RPL13: variants seen among roughly 807,000 people sequenced by gnomAD.
RPL13 encodes the protein large ribosomal subunit protein eL13.
A neutral mutation model predicts 21.4 loss-of-function variants in RPL13; 1 was observed. The observed-to-expected ratio is 0.05, with a 90% confidence interval of 0.02 to 0.22. The LOEUF (loss-of-function observed/expected upper bound fraction) is 0.22. Ranked by LOEUF, RPL13 falls within the 10% of genes least tolerant of loss-of-function variation. The pLI is 1.00. For missense variants in RPL13, 289 were observed against 303.0 expected (o/e 0.95, Z 0.34); for synonymous variants, 143 against 120.5 (o/e 1.19, Z -1.23).
rs185077096 is a variant in RPL13 at position 89,562,371 on chromosome 16, C to A, written c.457C>A (p.Pro153Thr). The A allele has an allele frequency of 4.3e-6, 7 of 1,612,470 alleles. No individual in the cohort carries two copies. Among genetic ancestry groups the A allele is most frequent in the Admixed American group, 3.4e-5 (2 of 59,562 alleles). ...ELKLATQLTG[P>T]VMPVRNVYKK... is the part of the protein sequence containing the mutation. ...GAAACTGGCCACCCAGCTGACCGGA[C>A]CGGTCATGCCCGTCCGGAACGTAAG... The change falls in exon 5 of 6, where the codon CCG (proline) becomes ACG (threonine). Residue 153 changes from proline to threonine, a missense_variant. Coordinates refer to ENST00000311528, the MANE Select transcript of RPL13 (RefSeq NM_000977.4).
intron 2 of RPL13, 61 bp downstream of exon 2, chr16:89,561,124 G>A: frequency 1.3e-6 from 2 of 1,543,344 alleles, no homozygotes; most frequent in Non-Finnish European, 1.7e-6. Context: ...CTTGGCTTGC[G>A]GGTGGCCGAT....
At position 89,560,905 on chromosome 16, in the gene RPL13, G is replaced by T. The variant is rs1360422534; in HGVS notation, c.-20-35G>T. 2.7e-6 allele frequency: 4 copies of T among 1,505,098 alleles called. No homozygotes were observed. The East Asian group carries it at 7.6e-5, about 29-fold the overall frequency. The allele number at this position is 1,505,098 out of a possible 1,614,324, so 93.2% of individuals were successfully genotyped here. A position where few individuals can be genotyped will look rare whatever the true frequency, so the allele number is the denominator to read the frequency against. On this transcript the variant is annotated intron_variant, in intron 1 of 5. Transcript: ENST00000311528. ...GCCCGGGGGGGTGCGCGCGCCCGGG[G>T]TCCGGCCTCTCACTCGCTCCCCTCT...
At chr16:89,565,153 T>G (rs1478706613), downstream of RPL13, 1 of 152,358 alleles carries the variant, frequency 6.6e-6, no homozygotes, top group Non-Finnish European at 1.5e-5. Flanking sequence ...GCTTAATCTA[T>G]TAAGAGCCCT....
chr16:89,561,507 G>A (rs2058744312), intron 3 of RPL13, 71 bp from the exon 4 acceptor site: 1 of 1,612,642 alleles, frequency 6.2e-7, no homozygotes, highest in Admixed American at 1.7e-5. Context: ...TGATTGCTGA[G>A]GCTTTTCATC....
At chr16:89,564,947 T>C (rs952020858), downstream of RPL13, 2 of 152,260 alleles carry the variant, frequency 1.3e-5, no homozygotes, top group Non-Finnish European at 2.9e-5. Flanking sequence ...CTGTTTTTAC[T>C]GTGGGACAAA....
intron 5 of RPL13, 63 bp downstream of exon 5, chr16:89,562,454 C>T: frequency 6.6e-7 from 1 of 1,517,052 alleles, no homozygotes; most frequent in Non-Finnish European, 9.0e-7. Context: ...ACGTGGGTAT[C>T]TGAGATGCGG....
intron 5 of RPL13, chr16:89,562,601 T>G (rs2031364483): frequency 1.7e-6 from 1 of 593,458 alleles, no homozygotes; most frequent in South Asian, 2.4e-5. Flanking sequence ...GTTTGTTTTG[T>G]GTTTTTTTGT....
At position 89,562,840 on chromosome 16, in the gene RPL13, C is replaced by T. The variant is rs541282705; in HGVS notation, c.478-44C>T. On this transcript the variant is annotated intron_variant, in intron 5 of 5. Transcript: ENST00000311528. ...CTCCTGACGCTTGGTTGTTCCCTTGCCCTTTGGTGCATGTGGGTTTAACAA... is the reference window on the plus strand; with the variant it reads ...CTCCTGACGCTTGGTTGTTCCCTTGTCCTTTGGTGCATGTGGGTTTAACAA... The T allele has an allele frequency of 3.4e-6, 5 of 1,482,106 alleles. No homozygotes were observed. The East Asian group carries it at 7.7e-5, about 23-fold the overall frequency. The allele number at this position is 1,482,106 out of a possible 1,614,324, so 91.8% of individuals were successfully genotyped here. A position where few individuals can be genotyped will look rare whatever the true frequency, so the allele number is the denominator to read the frequency against.
At chr16:89,561,410 T>C in intron 3 of RPL13, 42 bp downstream of exon 3, 2 of 1,612,428 alleles carry the variant, frequency 1.2e-6, no homozygotes, top group Non-Finnish European at 1.7e-6. Context: ...GGCCCCGAAG[T>C]CCCCTCTGTT....
rs2058759572 is a variant in RPL13 at position 89,563,259 on chromosome 16, C to T, written c.*217C>T. Reference sequence around the variant, plus strand: ...TGTTTGGTTAGTGACTGATGTAAAACGGTTTTCTTGTGGGGAGGTTACAGA... The same window carrying T: ...TGTTTGGTTAGTGACTGATGTAAAATGGTTTTCTTGTGGGGAGGTTACAGA... On this transcript the variant is annotated 3_prime_UTR_variant, in exon 6 of 6. Coordinates refer to ENST00000311528, the MANE Select transcript of RPL13 (RefSeq NM_000977.4). 10 of 401,906 alleles carry T rather than the reference C, an allele frequency of 2.5e-5. No homozygotes were observed. The highest frequency in any genetic ancestry group is 4.7e-5 in the Admixed American group (1 of 21,102). 24.9% of individuals were successfully genotyped at this position (401,906 alleles called of 1,614,324 possible). A position where few individuals can be genotyped will look rare whatever the true frequency, so the allele number is the denominator to read the frequency against.
In RPL13 at chr16:89,562,368, G is replaced by C. The variant is rs569629794; in HGVS notation, c.454G>C (p.Gly152Arg). 1 of 1,612,918 alleles carries C rather than the reference G, an allele frequency of 6.2e-7. No homozygotes were observed. Among genetic ancestry groups the C allele is most frequent in the Non-Finnish European group, 8.5e-7 (1 of 1,179,818 alleles). ...EELKLATQLT[G>R]PVMPVRNVYK... Reference sequence around the variant, plus strand: ...ACTGAAACTGGCCACCCAGCTGACCGGACCGGTCATGCCCGTCCGGAACGT... The same window carrying C: ...ACTGAAACTGGCCACCCAGCTGACCCGACCGGTCATGCCCGTCCGGAACGT... The change falls in exon 5 of 6, where the codon GGA becomes CGA. Residue 152 changes from glycine (G) to arginine (R), a missense_variant. Coordinates refer to ENST00000311528, the MANE Select transcript of RPL13 (RefSeq NM_000977.4).
chr16:89,562,755 T>C, intron 5 of RPL13, 129 bp from the exon 6 acceptor site: 2 of 948,772 alleles, frequency 2.1e-6, no homozygotes, highest in East Asian at 2.9e-5. Context: ...TCAGGGTTGC[T>C]TTTCAGCAGT....
chr16:89,561,213 C>T lies in RPL13; in HGVS notation c.105-14C>T, dbSNP rs1023051922. ...TTAGGCAAGGGTGACCGCCGCTGCG[C>T]TTCTCTCCACCAGACGTAAGGCCCG... On this transcript the variant is annotated splice_polypyrimidine_tract_variant and intron_variant, in intron 2 of 5. Coordinates refer to ENST00000311528, the MANE Select transcript of RPL13 (RefSeq NM_000977.4). 3 of 1,538,146 alleles carry T rather than the reference C, an allele frequency of 2.0e-6. No homozygotes were observed. The highest frequency in any genetic ancestry group is 2.6e-6 in the Non-Finnish European group (3 of 1,146,176).
In RPL13 at chr16:89,563,972, A is replaced by T. The variant is rs1444822249; in HGVS notation, c.*930A>T. The T allele has an allele frequency of 2.6e-5, 4 of 152,206 alleles. No individual in the cohort carries two copies. The highest frequency in any genetic ancestry group is 5.9e-5 in the Non-Finnish European group (4 of 68,042). The allele number at this position is 152,206 out of a possible 1,614,324, so 9.4% of individuals were successfully genotyped here. ...CTTCATGGACAAGAGGCAGCCAGAG[A>T]GAGTGCCAGGGTGCCCTGGTCTGAG... On this transcript the variant is annotated 3_prime_UTR_variant, in exon 6 of 6. Coordinates refer to ENST00000311528, the MANE Select transcript of RPL13 (RefSeq NM_000977.4).
In RPL13 at chr16:89,561,665, G is replaced by A. The variant is rs9930567; in HGVS notation, c.334G>A (p.Ala112Thr). The A allele has an allele frequency of 0.19, 307,064 of 1,613,752 alleles. 32,280 individuals are homozygous for A. Among genetic ancestry groups the A allele is most frequent in the Middle Eastern group, 0.31 (1,860 of 6,052 alleles). Reference protein sequence around the residue: ...RRNKSTESLQANVQRLKEYRS... With the variant: ...RRNKSTESLQTNVQRLKEYRS... ...GAACAAGTCCACGGAGTCCCTGCAG[G>A]CCAACGTGCAGCGGCTGAAGGAGTA... The change falls in exon 4 of 6, where the codon GCC becomes ACC. Residue 112 changes from alanine (A) to threonine (T), a missense_variant. Physicochemically the swap from Ala to Thr is moderately conservative, Grantham distance 58. Transcript: ENST00000311528.
At chr16:89,565,061 G>C (rs2058774408), downstream of RPL13, 1 of 152,008 alleles carries the variant, frequency 6.6e-6, no homozygotes, top group Non-Finnish European at 1.5e-5. Flanking sequence ...AGTCTGCACT[G>C]AACCTGCCAG....
rs771241892 is a variant in RPL13, at chr16:89,561,729, C to T, written c.398C>T (p.Ala133Val). 3.1e-6 allele frequency: 5 copies of T among 1,613,682 alleles called. No individual in the cohort carries two copies. The highest frequency in any genetic ancestry group is 1.1e-5 in the South Asian group (1 of 91,078). Reference sequence around the variant, plus strand: ...ATCCTCTTCCCCAGGAAGCCCTCGGCCCCCAAGAAGGGAGACAGTTCTGTG... The same window carrying T: ...ATCCTCTTCCCCAGGAAGCCCTCGGTCCCCAAGAAGGGAGACAGTTCTGTG... ...KLILFPRKPS[A>V]PKKGDSSAEE... Residue 133 changes from alanine (A) to valine (V), a missense_variant, in exon 4 of 6, where the codon GCC becomes GTC. By Grantham distance (64) the Ala-to-Val change is moderately conservative (BLOSUM62 0). Coordinates refer to ENST00000311528, the MANE Select transcript of RPL13 (RefSeq NM_000977.4).
chr16:89,563,104 G>T lies in RPL13; in HGVS notation c.*62G>T, dbSNP rs1016654618. Reference sequence around the variant, plus strand: ...GCTGGGTCTCCACGTGGTGTGTTTCGTGGGAACAACTGGGCCTGGGATGGG... The same window carrying T: ...GCTGGGTCTCCACGTGGTGTGTTTCTTGGGAACAACTGGGCCTGGGATGGG... On this transcript the variant is annotated 3_prime_UTR_variant, in exon 6 of 6. Transcript: ENST00000311528. 2.9e-6 allele frequency: 4 copies of T among 1,392,094 alleles called. No individual in the cohort carries two copies. Among genetic ancestry groups the T allele is most frequent in the South Asian group, 1.7e-5 (1 of 59,790 alleles). The allele number at this position is 1,392,094 out of a possible 1,614,324, so 86.2% of individuals were successfully genotyped here. A position where few individuals can be genotyped will look rare whatever the true frequency, so the allele number is the denominator to read the frequency against.
Position 89,560,759 on chromosome 16 carries a change from G to A in RPL13, c.-21+47G>A, listed in dbSNP as rs1024851593. 9.6e-6 allele frequency: 5 copies of A among 523,096 alleles called. No homozygotes were observed. The African/African-American group carries it at 1.0e-4, about 11-fold the overall frequency. The allele number at this position is 523,096 out of a possible 1,614,324, so 32.4% of individuals were successfully genotyped here. On this transcript the variant is annotated intron_variant, in intron 1 of 5. Coordinates refer to ENST00000311528, the MANE Select transcript of RPL13 (RefSeq NM_000977.4). ...CCTTTGGGCATCATCCAGCGCCATC[G>A]GCCTGGCGCTTCAGCCAACGCGGGA...
Sources: gnomAD v4.1 joint callset for allele counts on GRCh38, gnomAD v4.1.1 for gene constraint, MANE v1.5 for transcripts, NCBI Gene and HGNC (gene_info 2026-07-23, HGNC 2026-07-21) for gene names.